The following NRXN3 variants were observed in gnomAD, a reference collection of about 807,000 sequenced individuals.
The protein encoded by NRXN3 is neurexin III.
NRXN3 carries 32 observed loss-of-function variants against 137.6 expected under a neutral mutation model. The ratio of observed to expected loss-of-function variants is 0.23; its 90% CI spans 0.18 to 0.31. The LOEUF (loss-of-function observed/expected upper bound fraction) is 0.31. NRXN3 is among the 10% of genes least tolerant of loss of function. The pLI, the probability that NRXN3 is intolerant of heterozygous loss-of-function variation, is 1.00. For synonymous variants in NRXN3, 798 were observed against 784.5 expected, an observed-to-expected ratio of 1.02 and a Z score of -0.29; for missense variants, 1,574 against 2,062.5, an observed-to-expected ratio of 0.76 and a Z score of 4.59.
At chr14:78,241,879 C>T (rs1216712696) in intron 1 of NRXN3, among the ~76,000 whole-genome samples, 2 of 151,988 alleles carry the variant, frequency 1.3e-5, no homozygotes, top group African/African-American at 4.8e-5. Context: ...CATTACTCAC[C>T]TTCCAGTTTA....
intron 15 of NRXN3, among the ~76,000 whole-genome samples, chr14:79,062,338 G>T (rs1340982869): frequency 1.3e-5 from 2 of 152,050 alleles, no homozygotes; most frequent in African/African-American, 4.8e-5. Flanking sequence ...TCAATCTAAT[G>T]AGGGAAATTG....
At chr14:78,922,488 C>T (rs74349945) in intron 10 of NRXN3, among the ~76,000 whole-genome samples, 3,010 of 152,228 alleles carry the variant, frequency 0.02, 62 homozygotes, top group South Asian at 0.085. Context: ...ATCAAGTTTA[C>T]GCTGTGTATG....
At chr14:79,815,798 C>A (rs149676276) in intron 20 of NRXN3, among the ~76,000 whole-genome samples, 1 of 152,168 alleles carries the variant, frequency 6.6e-6, no homozygotes, top group South Asian at 2.1e-4. Context: ...TGTCCTTGCT[C>A]GTACACAATT....
intron 16 of NRXN3, among the ~76,000 whole-genome samples, chr14:79,486,351 T>C (rs2096655583): frequency 6.6e-6 from 1 of 152,232 alleles, no homozygotes; most frequent in African/African-American, 2.4e-5. Context: ...CACACATTGC[T>C]TATATTATCA....
rs1049852176 is a variant in NRXN3, at chr14:78,518,398, C to T, written c.758-126722C>T. ...ATTTCTCTCTAGGTGGGGATCTAAT[C>T]CAGTCCGGAGTTACAGGAGCTAGAG... On this transcript the variant is annotated intron_variant, in intron 4 of 20. Coordinates refer to ENST00000335750, the MANE Select transcript of NRXN3 (RefSeq NM_001330195.2). 5.9e-5 allele frequency among the ~76,000 whole-genome samples: 9 copies of T among 152,180 alleles called. No homozygotes were observed. In the East Asian group the frequency reaches 1.5e-3, roughly 26 times the overall value.
intron 4 of NRXN3, among the ~76,000 whole-genome samples, chr14:78,326,589 G>C (rs1399833052): frequency 6.6e-6 from 1 of 152,186 alleles, no homozygotes; most frequent in African/African-American, 2.4e-5. Context: ...GGTATACATC[G>C]TGGTGGGGTG....
intron 4 of NRXN3, among the ~76,000 whole-genome samples, chr14:78,637,096 C>G (rs1483051821): frequency 6.6e-6 from 1 of 152,118 alleles, no homozygotes; most frequent in African/African-American, 2.4e-5. Flanking sequence ...TATAATTGTG[C>G]CACTCATTAG....
At chr14:79,429,141 CT>C (rs956355817) in intron 15 of NRXN3, among the ~76,000 whole-genome samples, 2 of 151,932 alleles carry the variant, frequency 1.3e-5, no homozygotes, top group African/African-American at 4.8e-5. Context: ...ATTTGATAAT[CT>C]TTTTTTTCAA....
chr14:78,616,285 C>T (rs1188104335), intron 4 of NRXN3, among the ~76,000 whole-genome samples: 6 of 152,212 alleles, frequency 3.9e-5, no homozygotes, highest in South Asian at 2.1e-4. Context: ...CTTCCTCTTA[C>T]ACTGCTCTCT....
At chr14:79,277,349 C>T (rs1024224288) in intron 15 of NRXN3, among the ~76,000 whole-genome samples, 6 of 152,070 alleles carry the variant, frequency 3.9e-5, no homozygotes, top group Non-Finnish European at 5.9e-5. Flanking sequence ...TCATCTAGGC[C>T]GCCTTAAGGC....
chr14:79,131,148 T>C (rs2057406097), intron 15 of NRXN3, among the ~76,000 whole-genome samples: 1 of 152,230 alleles, frequency 6.6e-6, no homozygotes, highest in Non-Finnish European at 1.5e-5. Context: ...TCAGAGTAAT[T>C]TGATCGTCTG....
chr14:79,772,810 C>CA (rs2099083211), intron 19 of NRXN3, among the ~76,000 whole-genome samples: 3 of 152,058 alleles, frequency 2.0e-5, no homozygotes, highest in African/African-American at 7.2e-5. Flanking sequence ...TTCTGCACAG[C>CA]AGAAGAAACT....
At chr14:78,855,216 A>T (rs1270968140) in intron 10 of NRXN3, among the ~76,000 whole-genome samples, 1 of 151,772 alleles carries the variant, frequency 6.6e-6, no homozygotes, top group Non-Finnish European at 1.5e-5. Flanking sequence ...CTTTTTCTTC[A>T]TAAGGTTTAT....
At chr14:79,630,945 C>T (rs1008977389) in intron 16 of NRXN3, among the ~76,000 whole-genome samples, 3 of 152,196 alleles carry the variant, frequency 2.0e-5, no homozygotes, top group African/African-American at 7.2e-5. Flanking sequence ...CTGCATAATA[C>T]GTCTGAGCTG....
chr14:79,473,285 A>G (rs1230169914), intron 16 of NRXN3, among the ~76,000 whole-genome samples: 1 of 152,168 alleles, frequency 6.6e-6, no homozygotes, highest in Admixed American at 6.6e-5. Flanking sequence ...CTGGATATTT[A>G]TTAAGTTTCA....
intron 15 of NRXN3, among the ~76,000 whole-genome samples, chr14:79,092,373 T>A (rs926462294): frequency 1.3e-5 from 2 of 152,210 alleles, no homozygotes; most frequent in African/African-American, 4.8e-5. Flanking sequence ...AACATAGAAG[T>A]CCTTTCTGAC....
intron 16 of NRXN3, among the ~76,000 whole-genome samples, chr14:79,534,220 G>A (rs978548455): frequency 3.9e-5 from 6 of 152,164 alleles, no homozygotes; most frequent in African/African-American, 1.4e-4. Context: ...CCATCGGCAT[G>A]AATGTCTATT....
At chr14:79,556,032 C>G (rs2097426205) in intron 16 of NRXN3, among the ~76,000 whole-genome samples, 1 of 152,190 alleles carries the variant, frequency 6.6e-6, no homozygotes. Context: ...ACACAGGCCC[C>G]TCTCTTCAGC....
chr14:79,203,449 C>A, intron 15 of NRXN3, among the ~76,000 whole-genome samples: 1 of 152,142 alleles, frequency 6.6e-6, no homozygotes, highest in East Asian at 1.9e-4. Context: ...TAGGGCTGTA[C>A]AGAGTATAAA....
Sources: gnomAD v4.1 joint callset for allele counts (sites outside exome capture counted in the v4.1 genomes callset) on GRCh38, gnomAD v4.1.1 for gene constraint, MANE v1.5 for transcripts, NCBI Gene and HGNC (gene_info 2026-07-23, HGNC 2026-07-21) for gene names.